ABCA13: variants seen among roughly 807,000 people sequenced by gnomAD.
ABCA13 encodes ATP-binding cassette sub-family A member 13.
A neutral mutation model predicts 478.7 loss-of-function variants in ABCA13; 476 were observed. The observed-to-expected ratio is 0.99, with a 90% CI of 0.92 to 1.07. The LOEUF (loss-of-function observed/expected upper bound fraction) is 1.07, where lower values mean the gene tolerates loss of function less well. Ranked by LOEUF, ABCA13 falls within the 50% of genes least tolerant of loss-of-function variation. The pLI is 0.00. For synonymous variants in ABCA13, 2,252 were observed against 2,158.9 expected, an observed-to-expected ratio of 1.04 and a Z score of -1.20; for missense variants, 6,060 against 5,910.6, an observed-to-expected ratio of 1.03 and a Z score of -0.83.
At chr7:48,173,397 C>T (rs1794417388) in intron 1 of ABCA13, among the ~76,000 whole-genome samples, 1 of 152,098 alleles carries the variant, frequency 6.6e-6, no homozygotes, top group Admixed American at 6.5e-5. Flanking sequence ...AATGGATGTT[C>T]AGTAAATATT....
At chr7:48,381,387 ACACG>A (rs1814358195) in intron 35 of ABCA13, among the ~76,000 whole-genome samples, 1 of 150,874 alleles carries the variant, frequency 6.6e-6, no homozygotes, top group Non-Finnish European at 1.5e-5. Flanking sequence ...ACACACACAC[ACACG>A]CACGCACACA....
chr7:48,317,321 T>C (rs751749725), intron 27 of ABCA13, 25 bp downstream of exon 27: 3 of 1,604,396 alleles, frequency 1.9e-6, no homozygotes, highest in East Asian at 4.5e-5. Flanking sequence ...ATGAGAATCA[T>C]ATAGACCATA....
chr7:48,184,214 A>G (rs1389718556), intron 1 of ABCA13, among the ~76,000 whole-genome samples: 2 of 152,174 alleles, frequency 1.3e-5, no homozygotes, highest in Non-Finnish European at 2.9e-5. Context: ...TGGGCATCAT[A>G]TAAGGTGTTC....
chr7:48,221,298 A>T lies in ABCA13; in HGVS notation c.457A>T (p.Ser153Cys). ...SNTPDSSYGS[S>C]FFTMDLNKTE... ...TATTATAGATTCTTCTTATGGTTCC[A>T]GTTTTTTTACAGTAAGTATCTTAAC... The change falls in exon 5 of 62, where the codon AGT becomes TGT. Residue 153 changes from serine to cysteine, a missense_variant. By Grantham distance (112) the Ser-to-Cys change is moderately radical. Around this residue, in one of 3 missense-constraint regions of ABCA13, gnomAD observed 4,423 missense variants for 4,309.1 expected, o/e 1.03. Transcript: ENST00000435803. 8.6e-7 allele frequency: 1 copy of T among 1,168,466 alleles called. No homozygotes were observed. Among genetic ancestry groups the T allele is most frequent in the Non-Finnish European group, 1.2e-6 (1 of 822,400 alleles). The allele number at this position is 1,168,466 out of a possible 1,614,324, so 72.4% of individuals were successfully genotyped here.
At chr7:48,191,528 T>G (rs1172948698) in intron 1 of ABCA13, among the ~76,000 whole-genome samples, 2 of 152,186 alleles carry the variant, frequency 1.3e-5, no homozygotes, top group East Asian at 1.9e-4. Context: ...CTCAGCTTTC[T>G]GAGTAGCTGG....
intron 41 of ABCA13, among the ~76,000 whole-genome samples, chr7:48,415,421 T>C (rs546607119): frequency 6.6e-6 from 1 of 152,326 alleles, no homozygotes; most frequent in South Asian, 2.1e-4. Flanking sequence ...TGTTTACTAG[T>C]TGTATGGTGT....
intron 35 of ABCA13, among the ~76,000 whole-genome samples, chr7:48,383,207 T>C (rs1238392578): frequency 6.6e-6 from 1 of 152,236 alleles, no homozygotes. Flanking sequence ...AGTAATGTCT[T>C]AGCTCCATTG....
chr7:48,389,317 T>A (rs552379585), intron 37 of ABCA13, 97 bp downstream of exon 37: 54 of 1,386,092 alleles, frequency 3.9e-5, no homozygotes, highest in East Asian at 2.7e-4. Context: ...TTCCTTTTTT[T>A]AAAATTTTGA....
intron 7 of ABCA13, among the ~76,000 whole-genome samples, chr7:48,233,137 G>A (rs567275834): frequency 6.6e-6 from 1 of 151,994 alleles, no homozygotes; most frequent in Admixed American, 6.6e-5. Context: ...TGAAGTCCCC[G>A]TTGACTTGGT....
rs749577867 is a variant in ABCA13 at position 48,587,186 on chromosome 7, C to T, written c.14538C>T (p.Leu4846=). Residue 4846 remains leucine, a synonymous_variant, in exon 57 of 62, where the codon CTC becomes CTT. Transcript: ENST00000435803. ...VAGDLIRRLH[L]EAHADKPVAT... is the part of the protein sequence containing the mutation. ...GAGACCTCATCAGGCGCTTACACCT[C>T]GAAGCCCACGCGGACAAACCTGTGG... is the stretch of plus-strand genomic sequence containing the variant. 3.1e-6 allele frequency: 5 copies of T among 1,612,852 alleles called. No homozygotes were observed. The highest frequency in any genetic ancestry group is 2.2e-5 in the East Asian group (1 of 44,808).
rs768252228 is a variant in ABCA13, at chr7:48,275,532, A to G, written c.5866A>G (p.Ile1956Val). 1.9e-6 allele frequency: 3 copies of G among 1,613,850 alleles called. No homozygotes were observed. The highest frequency in any genetic ancestry group is 2.2e-5 in the South Asian group (2 of 91,082). ...CATAAAGCAAGTTGCTTTGCAAATCATAGAAAAACTTAAAAATGTCAACTT... is the reference window on the plus strand; with the variant it reads ...CATAAAGCAAGTTGCTTTGCAAATCGTAGAAAAACTTAAAAATGTCAACTT... ...GSIKQVALQIIEKLKNVNFTK... is the reference protein window; with the variant it reads ...GSIKQVALQIVEKLKNVNFTK... The change falls in exon 17 of 62, where the codon ATA (isoleucine) becomes GTA (valine). Residue 1956 changes from isoleucine (I) to valine (V), a missense_variant. Ile to Val is a conservative substitution (Grantham distance 29). This residue lies in a region of ABCA13 where 4,423 missense variants were observed against 4,309.1 expected (regional missense o/e 1.03). Coordinates refer to ENST00000435803, the MANE Select transcript of ABCA13 (RefSeq NM_152701.5).
chr7:48,423,181 G>T (rs536478435), intron 41 of ABCA13, among the ~76,000 whole-genome samples: 1 of 152,218 alleles, frequency 6.6e-6, no homozygotes, highest in Non-Finnish European at 1.5e-5. Flanking sequence ...TATTTAGAGA[G>T]CAGTTGCTAG....
At chr7:48,412,771 G>T (rs1429255594) in intron 41 of ABCA13, among the ~76,000 whole-genome samples, 188 bp downstream of exon 41, 1 of 147,276 alleles carries the variant, frequency 6.8e-6, no homozygotes, top group Non-Finnish European at 1.5e-5. Context: ...CCTGACAGGT[G>T]GCAATTGCCC....
chr7:48,267,060 C>T (rs185544173), intron 15 of ABCA13, among the ~76,000 whole-genome samples: 2 of 151,826 alleles, frequency 1.3e-5, no homozygotes, highest in East Asian at 1.9e-4. Context: ...GACTTTAATC[C>T]TGTTAAGTTT....
intron 15 of ABCA13, among the ~76,000 whole-genome samples, chr7:48,253,821 G>A (rs1444367714): frequency 6.6e-6 from 1 of 152,162 alleles, no homozygotes; most frequent in Non-Finnish European, 1.5e-5. Context: ...GACTTAAGAT[G>A]TGTGGACTTA....
chr7:48,391,297 T>C (rs184877024), intron 37 of ABCA13, among the ~76,000 whole-genome samples: 77 of 152,362 alleles, frequency 5.1e-4, no homozygotes, highest in African/African-American at 1.8e-3. Context: ...AGTTGAATGT[T>C]ATCATCTTAA....
chr7:48,352,393 G>C lies in ABCA13; in HGVS notation c.10594G>C (p.Glu3532Gln). 1 of 1,613,320 alleles carries C rather than the reference G, an allele frequency of 6.2e-7. No individual in the cohort carries two copies. The highest frequency in any genetic ancestry group is 8.5e-7 in the Non-Finnish European group (1 of 1,179,736). Residue 3532 changes from glutamate (E) to glutamine (Q), a missense_variant, in exon 31 of 62, where the codon GAA (glutamate) becomes CAA (glutamine). Coordinates refer to ENST00000435803, the MANE Select transcript of ABCA13 (RefSeq NM_152701.5). ...CTTTGCCCCACTGCAAGACATGATC[G>C]AAAGAGCCATCATTTTGGTGCAGAC... ...YVFAPLQDMI[E>Q]RAIILVQTGQ...
chr7:48,496,682 T>C (rs1403959737), intron 48 of ABCA13, among the ~76,000 whole-genome samples: 1 of 152,152 alleles, frequency 6.6e-6, no homozygotes, highest in African/African-American at 2.4e-5. Flanking sequence ...TTCACCTTGA[T>C]TCTTGAAAGA....
At chr7:48,591,412 G>A (rs1789730519) in intron 57 of ABCA13, among the ~76,000 whole-genome samples, 1 of 151,822 alleles carries the variant, frequency 6.6e-6, no homozygotes, top group Admixed American at 6.6e-5. Flanking sequence ...GAAATGTGAG[G>A]CCTCCAGCAC....
Sources: gnomAD v4.1 joint callset for allele counts (sites outside exome capture counted in the v4.1 genomes callset) on GRCh38, gnomAD v4.1.1 for gene constraint, gnomAD v4.1.1 regional missense constraint, MANE v1.5 for transcripts, NCBI Gene and HGNC (gene_info 2026-07-23, HGNC 2026-07-21) for gene names.